TRDN: variants seen among roughly 807,000 people sequenced by gnomAD.
TRDN encodes the protein triadin.
TRDN carries 161 observed loss-of-function variants against 149.7 expected under a neutral mutation model. The ratio of observed to expected loss-of-function variants is 1.08; its 90% CI spans 0.95 to 1.23. The LOEUF is 1.23. Among genes scored for constraint, TRDN ranks in the 50% most tolerant of loss-of-function variants. The probability of loss-of-function intolerance (pLI) is 0.00; values close to 1 mark genes in which losing one functional copy is unlikely to be tolerated. For missense variants in TRDN, 896 were observed against 823.5 expected (o/e 1.09, Z -1.08); for synonymous variants, 294 against 250.5 (o/e 1.17, Z -1.64).
intron 1 of TRDN, among the ~76,000 whole-genome samples, chr6:123,627,833 T>C (rs1272217717): frequency 1.3e-5 from 2 of 152,202 alleles, no homozygotes; most frequent in Non-Finnish European, 2.9e-5. Context: ...CCTTGCACTT[T>C]TATGTTGTGG....
intron 22 of TRDN, among the ~76,000 whole-genome samples, chr6:123,334,201 G>A (rs1468194329): frequency 1.3e-5 from 2 of 151,998 alleles, no homozygotes; most frequent in Non-Finnish European, 2.9e-5. Context: ...AATGGAAGTT[G>A]GGGGATCATA....
intron 26 of TRDN, among the ~76,000 whole-genome samples, chr6:123,275,638 A>G (rs1777344406): frequency 1.3e-5 from 2 of 152,186 alleles, no homozygotes. Context: ...ATACCTGTAC[A>G]TGTAAAAGTG....
chr6:123,326,686 TTG>T (rs1485417379), intron 23 of TRDN, among the ~76,000 whole-genome samples: 1 of 152,018 alleles, frequency 6.6e-6, no homozygotes, highest in East Asian at 1.9e-4. Context: ...TAGAAATAAA[TTG>T]TTAGTCCACA....
intron 21 of TRDN, among the ~76,000 whole-genome samples, chr6:123,339,813 C>A (rs1335693589): frequency 6.6e-6 from 1 of 152,102 alleles, no homozygotes; most frequent in Non-Finnish European, 1.5e-5. Context: ...TGTTTCAAAT[C>A]CAATCTCATA....
intron 24 of TRDN, among the ~76,000 whole-genome samples, chr6:123,305,284 G>GT (rs769927225): frequency 1.1e-3 from 166 of 152,084 alleles, no homozygotes; most frequent in Non-Finnish European, 1.8e-3. Flanking sequence ...AGCTTCAAGA[G>GT]TTTTTTAAAT....
chr6:123,545,944 C>G (rs1313401285), intron 4 of TRDN, among the ~76,000 whole-genome samples: 1 of 151,920 alleles, frequency 6.6e-6, no homozygotes, highest in Non-Finnish European at 1.5e-5. Flanking sequence ...TTATGAAAAA[C>G]ATGGCTTTAT....
At chr6:123,428,002 C>T (rs78956329) in intron 12 of TRDN, among the ~76,000 whole-genome samples, 1 of 152,054 alleles carries the variant, frequency 6.6e-6, no homozygotes, top group Admixed American at 6.5e-5. Flanking sequence ...TTGTGTTATT[C>T]TCTAAATAAA....
chr6:123,433,219 C>T (rs1774413763), intron 12 of TRDN, among the ~76,000 whole-genome samples: 1 of 143,640 alleles, frequency 7.0e-6, no homozygotes, highest in Non-Finnish European at 1.5e-5. Context: ...TGGCTGAGTC[C>T]TTTCAATACA....
chr6:123,373,583 A>C (rs551901570), intron 19 of TRDN, among the ~76,000 whole-genome samples: 1 of 152,246 alleles, frequency 6.6e-6, no homozygotes, highest in African/African-American at 2.4e-5. Flanking sequence ...ACAATCCCAT[A>C]CTACAAACTC....
chr6:123,389,887 T>C (rs1782042053), intron 13 of TRDN, among the ~76,000 whole-genome samples: 1 of 152,288 alleles, frequency 6.6e-6, no homozygotes, highest in African/African-American at 2.4e-5. Flanking sequence ...TTAAATGATA[T>C]GGACATGGCC....
At chr6:123,348,792 G>A (rs1268105802) in intron 21 of TRDN, among the ~76,000 whole-genome samples, 1 of 151,988 alleles carries the variant, frequency 6.6e-6, no homozygotes, top group Non-Finnish European at 1.5e-5. Flanking sequence ...AATGTTGCAT[G>A]GTGAACATTA....
At chr6:123,349,861 T>A in intron 21 of TRDN, 1 of 985,384 alleles carries the variant, frequency 1.0e-6, no homozygotes. Flanking sequence ...GTGATAGATT[T>A]ACAAAGCTTG....
At chr6:123,473,090 T>C (rs1224445344) in intron 9 of TRDN, among the ~76,000 whole-genome samples, 1 of 152,172 alleles carries the variant, frequency 6.6e-6, no homozygotes, top group East Asian at 1.9e-4. Flanking sequence ...CAAAGCTGGA[T>C]GGAGAATGAC....
intron 21 of TRDN, among the ~76,000 whole-genome samples, chr6:123,346,043 G>A (rs894078705): frequency 1.3e-5 from 2 of 151,794 alleles, no homozygotes; most frequent in Non-Finnish European, 2.9e-5. Flanking sequence ...TGTTGCATTC[G>A]CTAAAACTTT....
chr6:123,228,678 G>T (rs888876236), intron 38 of TRDN, among the ~76,000 whole-genome samples: 6 of 151,848 alleles, frequency 4.0e-5, no homozygotes, highest in African/African-American at 1.5e-4. Context: ...TTTGGGTGGG[G>T]ACACAGCCAA....
chr6:123,487,969 T>G (rs1414181786), intron 9 of TRDN, among the ~76,000 whole-genome samples: 1 of 152,140 alleles, frequency 6.6e-6, no homozygotes, highest in Non-Finnish European at 1.5e-5. Context: ...CTAAACTTAT[T>G]CTACTATTTA....
At chr6:123,260,287 A>C (rs1468085689) in intron 34 of TRDN, among the ~76,000 whole-genome samples, 2 of 152,136 alleles carry the variant, frequency 1.3e-5, no homozygotes, top group African/African-American at 2.4e-5. Flanking sequence ...AATGTAACAT[A>C]ATATTTCTAA....
intron 1 of TRDN, among the ~76,000 whole-genome samples, chr6:123,593,844 C>A (rs930044123): frequency 1.3e-5 from 2 of 152,174 alleles, no homozygotes; most frequent in African/African-American, 2.4e-5. Context: ...ATGGTCTCCT[C>A]ACCATACAAT....
At chr6:123,560,596 C>T (rs1781933281) in intron 2 of TRDN, among the ~76,000 whole-genome samples, 2 of 152,166 alleles carry the variant, frequency 1.3e-5, no homozygotes, top group South Asian at 4.1e-4. Flanking sequence ...GATCCCATCG[C>T]TCAGGACAAT....
Sources: allele counts gnomAD v4.1 joint callset (sites outside exome capture counted in the v4.1 genomes callset), GRCh38; gene constraint gnomAD v4.1.1; transcripts MANE v1.5; gene names NCBI Gene and HGNC (gene_info 2026-07-23, HGNC 2026-07-21).